Variants in C12orf76 observed in about 807,000 individuals in gnomAD.
C12orf76 encodes uncharacterized protein C12orf76.
A neutral mutation model predicts 6.8 loss-of-function variants in C12orf76; 6 were observed. The observed-to-expected ratio is 0.88, with a 90% CI of 0.48 to 1.73. The LOEUF (loss-of-function observed/expected upper bound fraction) is 1.73. C12orf76 is among the 40% of genes most tolerant of loss of function. The probability of loss-of-function intolerance (pLI) is 0.01; values close to 1 mark genes in which losing one functional copy is unlikely to be tolerated. For synonymous variants in C12orf76, 56 were observed against 43.7 expected (o/e 1.28, Z -1.11); for missense variants, 99 against 98.2 (o/e 1.01, Z -0.03).
intron 2 of C12orf76, among the ~76,000 whole-genome samples, chr12:110,062,415 A>G (rs1457525090): frequency 6.6e-6 from 1 of 152,186 alleles, no homozygotes. Context: ...TTGAGCAACC[A>G]TGGGGAGAGA....
chr12:110,051,217 G>T, upstream of C12orf76: 1 of 771,664 alleles, frequency 1.3e-6, no homozygotes. Context: ...ACAGTGGGGT[G>T]GGAGGCAGGC....
At chr12:110,068,232 G>GAGAAGAAGAAGAAGAAAGAAGAAGA (rs1482900772), upstream of C12orf76, among the ~76,000 whole-genome samples, 2 of 138,104 alleles carry the variant, frequency 1.4e-5, no homozygotes, top group Non-Finnish European at 3.1e-5. Context: ...AGAAGGAGAA[G>GAGAAGAAGAAGAAGAAAGAAGAAGA]AGAAGAAGAA....
chr12:110,059,696 G>A (rs1250828900), intron 2 of C12orf76, among the ~76,000 whole-genome samples: 2 of 152,156 alleles, frequency 1.3e-5, no homozygotes, highest in Admixed American at 1.3e-4. Flanking sequence ...CCTCTTAAGA[G>A]GGGCTTGACA....
chr12:110,046,780 T>C (rs1012443373), intron 1 of C12orf76, among the ~76,000 whole-genome samples: 20 of 152,308 alleles, frequency 1.3e-4, no homozygotes, highest in African/African-American at 4.6e-4. Flanking sequence ...CAATGGGGAT[T>C]TGGCGTACCG....
intron 4 of C12orf76, chr12:110,056,941 G>A (rs745341464): frequency 1.3e-5 from 6 of 451,750 alleles, no homozygotes; most frequent in Admixed American, 7.4e-5. Context: ...ACCTAGTCTC[G>A]AATATGTCTT....
At chr12:110,053,424 G>C (rs1019696691), upstream of C12orf76, among the ~76,000 whole-genome samples, 2 of 152,076 alleles carry the variant, frequency 1.3e-5, no homozygotes, top group Non-Finnish European at 2.9e-5. Flanking sequence ...GCTTGAACCT[G>C]GGAGGCAAAG....
In C12orf76 at chr12:110,041,896, A is replaced by G. The variant is rs1295815402; in HGVS notation, c.*478T>C. ...GCTGACACCACTTTGCAACCAGCGC[A>G]TTCTAGGCTAACTCAGGTGAGATTA... On this transcript the variant is annotated 3_prime_UTR_variant, in exon 2 of 2. Transcript: ENST00000615315. The G allele has an allele frequency of 6.2e-6, 1 of 162,156 alleles. No homozygotes were observed. 10.0% of individuals were successfully genotyped at this position (162,156 alleles called of 1,614,324 possible).
At position 110,042,272 on chromosome 12, in the gene C12orf76, T is replaced by C; in HGVS notation, c.*102A>G. 1.2e-6 allele frequency: 1 copy of C among 867,960 alleles called. No individual in the cohort carries two copies. Among genetic ancestry groups the C allele is most frequent in the Non-Finnish European group, 1.9e-6 (1 of 513,116 alleles). The allele number at this position is 867,960 out of a possible 1,614,324, so 53.8% of individuals were successfully genotyped here. Reference sequence around the variant, plus strand: ...ATTTACCAACTGTCCAGACCAAAGGTCATTTCCAAGTAGGAAAGTTTTGGT... The same window carrying C: ...ATTTACCAACTGTCCAGACCAAAGGCCATTTCCAAGTAGGAAAGTTTTGGT... On this transcript the variant is annotated 3_prime_UTR_variant, in exon 2 of 2. Transcript: ENST00000615315.
Position 110,048,365 on chromosome 12 carries a change from A to C in C12orf76, c.131T>G (p.Leu44Arg). The change falls in exon 1 of 2, where the codon CTG becomes CGG. Residue 44 changes from leucine to arginine, a missense_variant and splice_region_variant. Physicochemically the swap from Leu to Arg is moderately radical, Grantham distance 102 (BLOSUM62 -2). Transcript: ENST00000615315. The part of the protein sequence containing the change: ...RPYAVLRGQN[L>R]VLMGTIFSIL... ...CCGCCAGCCCGAGGGCCGCTCACCC[A>C]GGTTCTGCCCTCGCAGCACCGCGTA... 6.6e-7 allele frequency: 1 copy of C among 1,508,992 alleles called. No homozygotes were observed. The highest frequency in any genetic ancestry group is 8.8e-7 in the Non-Finnish European group (1 of 1,133,920). The allele number at this position is 1,508,992 out of a possible 1,614,324, so 93.5% of individuals were successfully genotyped here.
chr12:110,066,367 TAAAAAAAAAAAAAAAAAAAAAAAA>T (rs71079598), intron 1 of C12orf76, among the ~76,000 whole-genome samples: 4 of 15,296 alleles, frequency 2.6e-4, no homozygotes, highest in Non-Finnish European at 3.3e-4. Flanking sequence ...AGACTCCATC[TAAAAAAAAAAAAAAAAAAAAAAAA>T]AAAAAAAAAA....
chr12:110,068,255 AG>A (rs1263414442), upstream of C12orf76, among the ~76,000 whole-genome samples: 2 of 64,590 alleles, frequency 3.1e-5, no homozygotes, highest in Non-Finnish European at 6.6e-5. Context: ...AGAAAGAAGA[AG>A]AAGAAGAAGA....
At chr12:110,073,276 C>T (rs1593253742) in intron 1 of C12orf76, 1 of 424,468 alleles carries the variant, frequency 2.4e-6, no homozygotes, top group South Asian at 1.6e-5. Context: ...GATGCTGCTT[C>T]CTCCCTCCCG....
chr12:110,052,845 A>G (rs1401973234), upstream of C12orf76, among the ~76,000 whole-genome samples: 1 of 152,200 alleles, frequency 6.6e-6, no homozygotes. Context: ...GCAGCTCCCC[A>G]GATCCATCCC....
chr12:110,069,672 G>C (rs539656998), upstream of C12orf76, among the ~76,000 whole-genome samples: 1 of 152,180 alleles, frequency 6.6e-6, no homozygotes, highest in African/African-American at 2.4e-5. Flanking sequence ...TTTAAAGGCA[G>C]AGCAGCAAGA....
Position 110,047,467 on chromosome 12 carries a change from T to C in C12orf76, c.133+896A>G, listed in dbSNP as rs765569004. Reference sequence around the variant, plus strand: ...ACTTTGGGAGGCCGAGGCAGGAGGATTGCTTGAGCCCAAGAGTTCGAGACC... The same window carrying C: ...ACTTTGGGAGGCCGAGGCAGGAGGACTGCTTGAGCCCAAGAGTTCGAGACC... On this transcript the variant is annotated intron_variant, in intron 1 of 1. Transcript: ENST00000615315. Among the ~76,000 whole-genome samples the C allele has an allele frequency of 1.1e-4, 17 of 152,188 alleles. No individual in the cohort carries two copies. In the South Asian group the frequency reaches 1.9e-3, roughly 17 times the overall value.
intron 1 of C12orf76, among the ~76,000 whole-genome samples, chr12:110,072,705 A>G (rs1248834648): frequency 6.6e-6 from 1 of 152,106 alleles, no homozygotes; most frequent in Non-Finnish European, 1.5e-5. Flanking sequence ...GGTGGATCAC[A>G]TGAGGTCAGG....
chr12:110,071,718 G>T (rs1892961523), upstream of C12orf76, among the ~76,000 whole-genome samples: 1 of 151,970 alleles, frequency 6.6e-6, no homozygotes, highest in South Asian at 2.1e-4. Flanking sequence ...AGAATAAGAG[G>T]CAGTCACTCC....
At chr12:110,058,479 C>T (rs571916985) in intron 3 of C12orf76, among the ~76,000 whole-genome samples, 1 of 152,288 alleles carries the variant, frequency 6.6e-6, no homozygotes, top group Admixed American at 6.5e-5. Flanking sequence ...GGCTGGCCAA[C>T]ATGGCGGAAA....
chr12:110,056,905 C>T, intron 4 of C12orf76: 1 of 341,184 alleles, frequency 2.9e-6, no homozygotes, highest in South Asian at 4.2e-5. Context: ...ACTGTGAGTC[C>T]ATTAAACCTC....
Sources: gnomAD v4.1 joint callset for allele counts (sites outside exome capture counted in the v4.1 genomes callset) on GRCh38, gnomAD v4.1.1 for gene constraint, MANE v1.5 for transcripts, NCBI Gene and HGNC (gene_info 2026-07-23, HGNC 2026-07-21) for gene names.